The following CHID1 variants were observed in gnomAD, a reference collection of about 807,000 sequenced individuals.
CHID1 encodes the protein chitinase domain containing 1.
CHID1 carries 44 observed loss-of-function variants against 55.4 expected under a neutral mutation model. The observed-to-expected ratio is 0.79, with a 90% CI of 0.62 to 1.02. The LOEUF (loss-of-function observed/expected upper bound fraction) is 1.02, where lower values mean the gene tolerates loss of function less well. CHID1 is among the 50% of genes least tolerant of loss of function. The pLI is 0.00. For missense variants in CHID1, 491 were observed against 515.3 expected (o/e 0.95, Z 0.46); for synonymous variants, 216 against 212.9 (o/e 1.01, Z -0.13).
intron 10 of CHID1, 118 bp from the exon 11 acceptor site, chr11:870,617 C>T: frequency 1.4e-6 from 1 of 715,614 alleles, no homozygotes; most frequent in Non-Finnish European, 2.5e-6. Flanking sequence ...GCCACTGTCC[C>T]CAGTGGTCTG....
intron 7 of CHID1, among the ~76,000 whole-genome samples, chr11:896,880 C>CACA (rs1278693029): frequency 1.0e-5 from 1 of 99,280 alleles, no homozygotes; most frequent in Non-Finnish European, 2.1e-5. Flanking sequence ...CCACCCCAGA[C>CACA]ACGAGCCTGT....
intron 1 of CHID1, among the ~76,000 whole-genome samples, chr11:905,350 G>A (rs1204820589): frequency 2.0e-5 from 3 of 152,192 alleles, no homozygotes. Flanking sequence ...ACCAGCCTGA[G>A]CAACATAGTG....
intron 10 of CHID1, among the ~76,000 whole-genome samples, chr11:877,503 CA>C (rs1029369465): frequency 6.6e-4 from 100 of 152,324 alleles, no homozygotes; most frequent in African/African-American, 2.3e-3. Context: ...GCCTTAGCCC[CA>C]CAAAGTGCTG....
intron 8 of CHID1, among the ~76,000 whole-genome samples, chr11:893,154 C>T (rs1392289136): frequency 6.6e-6 from 1 of 152,218 alleles, no homozygotes; most frequent in African/African-American, 2.4e-5. Context: ...CCAGCCAAGC[C>T]AGCCCTGCCT....
chr11:886,879 C>T (rs1320018109), intron 8 of CHID1, among the ~76,000 whole-genome samples: 5 of 152,238 alleles, frequency 3.3e-5, no homozygotes, highest in Middle Eastern at 3.2e-3. Context: ...ATGATCTCCC[C>T]GTGGCTTTCA....
chr11:912,715 G>A (rs1022420789), upstream of CHID1, among the ~76,000 whole-genome samples: 7 of 151,584 alleles, frequency 4.6e-5, no homozygotes, highest in Non-Finnish European at 8.9e-5. Context: ...GTAGTGGCGG[G>A]CGCCCGTAGT....
At chr11:906,685 G>A (rs1225048561) in intron 1 of CHID1, among the ~76,000 whole-genome samples, 2 of 152,140 alleles carry the variant, frequency 1.3e-5, no homozygotes, top group Non-Finnish European at 2.9e-5. Flanking sequence ...TGTAGGGAGG[G>A]GTGGTAGAAA....
chr11:882,042 C>T (rs1024468954), intron 10 of CHID1, among the ~76,000 whole-genome samples: 1 of 150,886 alleles, frequency 6.6e-6, no homozygotes, highest in Non-Finnish European at 1.5e-5. Flanking sequence ...AAAAAAGAAT[C>T]CCAGCCCGGT....
At chr11:878,570 A>G (rs998076764) in intron 10 of CHID1, among the ~76,000 whole-genome samples, 5 of 152,158 alleles carry the variant, frequency 3.3e-5, no homozygotes, top group Admixed American at 6.6e-5. Flanking sequence ...TCTAAAAAAA[A>G]AAAAAATTCC....
At chr11:904,163 T>G (rs1852034221) in intron 2 of CHID1, among the ~76,000 whole-genome samples, 1 of 152,210 alleles carries the variant, frequency 6.6e-6, no homozygotes. Flanking sequence ...GCATGGTTTA[T>G]TTGCCCCCAT....
chr11:900,976 C>T lies in CHID1; in HGVS notation c.399G>A (p.Trp133Ter). The T allele has an allele frequency of 6.2e-7, 1 of 1,601,026 alleles. No individual in the cohort carries two copies. Among genetic ancestry groups the T allele is most frequent in the Non-Finnish European group, 8.5e-7 (1 of 1,174,446 alleles). ...TGGCATGCTTCCTGACAGCTCGCAT[C>T]CACCCTGTGGGACATGGAGGGGACA... ...VTGLHDVDQG[W>*]MRAVRKHAKG... Residue 133 changes from tryptophan (W) to a stop codon, truncating the protein, a stop_gained, in exon 5 of 13, where the codon TGG becomes TGA. Transcript: ENST00000323578. LOFTEE classifies it high-confidence loss of function.
At chr11:892,262 C>T (rs938726804) in intron 8 of CHID1, among the ~76,000 whole-genome samples, 36 of 152,244 alleles carry the variant, frequency 2.4e-4, no homozygotes, top group African/African-American at 8.7e-4. Flanking sequence ...GAGGCACAGC[C>T]AGGCCCCTGC....
chr11:899,436 A>T (rs758401167), intron 6 of CHID1, 35 bp from the exon 7 acceptor site: 1 of 1,565,006 alleles, frequency 6.4e-7, no homozygotes, highest in South Asian at 1.2e-5. Flanking sequence ...GAGGGCCTGG[A>T]GGCCCAGGAG....
intron 10 of CHID1, among the ~76,000 whole-genome samples, chr11:880,161 CCT>C (rs1213655776): frequency 1.3e-5 from 2 of 152,248 alleles, no homozygotes; most frequent in African/African-American, 4.8e-5. Flanking sequence ...AGCCAGGGGC[CCT>C]GGGGCATCGC....
intron 1 of CHID1, among the ~76,000 whole-genome samples, chr11:909,016 T>TG (rs1347398538): frequency 2.0e-5 from 3 of 152,242 alleles, no homozygotes; most frequent in African/African-American, 7.2e-5. Flanking sequence ...CGCTCTGTGA[T>TG]GGAGTGCTTG....
At chr11:893,813 T>C (rs1219930160) in intron 7 of CHID1, among the ~76,000 whole-genome samples, 1 of 151,696 alleles carries the variant, frequency 6.6e-6, no homozygotes, top group Non-Finnish European at 1.5e-5. Flanking sequence ...CATCACACTT[T>C]AGACACCTAA....
At chr11:911,895 A>G (rs1852715930), upstream of CHID1, among the ~76,000 whole-genome samples, 1 of 152,228 alleles carries the variant, frequency 6.6e-6, no homozygotes, top group African/African-American at 2.4e-5. Flanking sequence ...GGTCCCAGTA[A>G]GCTATGGCAG....
chr11:890,405 T>G (rs7940112), intron 8 of CHID1, among the ~76,000 whole-genome samples: 1 of 152,200 alleles, frequency 6.6e-6, no homozygotes, highest in African/African-American at 2.4e-5. Context: ...GCTCCACATA[T>G]AGCGATGGCC....
chr11:910,939 G>C (rs1852637256), upstream of CHID1: 2 of 372,058 alleles, frequency 5.4e-6, no homozygotes, highest in Non-Finnish European at 3.6e-6. Context: ...CCCGAAAGTC[G>C]GGGCCGGGGC....
Sources: allele counts gnomAD v4.1 joint callset (sites outside exome capture counted in the v4.1 genomes callset), GRCh38; gene constraint gnomAD v4.1.1; transcripts MANE v1.5; gene names NCBI Gene and HGNC (gene_info 2026-07-23, HGNC 2026-07-21).